Variants in MAST2 observed in about 807,000 individuals in gnomAD.
MAST2 encodes the protein microtubule associated serine/threonine kinase 2.
In MAST2, 70 loss-of-function variants were observed where a neutral mutation model predicts 147.4. The observed-to-expected ratio is 0.47, with a 90% confidence interval of 0.39 to 0.58. The LOEUF is 0.58. MAST2 is among the 20% of genes least tolerant of loss of function. The pLI is 0.00. For missense variants in MAST2, 2,080 were observed against 2,302.3 expected (o/e 0.90, Z 1.98); for synonymous variants, 869 against 896.8 (o/e 0.97, Z 0.55).
At chr1:45,951,121 G>T (rs1223311011) in intron 4 of MAST2, among the ~76,000 whole-genome samples, 1 of 152,046 alleles carries the variant, frequency 6.6e-6, no homozygotes, top group Non-Finnish European at 1.5e-5. Context: ...TACTTGGGAG[G>T]CTGAGGTGAG....
At chr1:45,986,327 T>C (rs906958861) in intron 5 of MAST2, among the ~76,000 whole-genome samples, 3 of 152,216 alleles carry the variant, frequency 2.0e-5, no homozygotes, top group African/African-American at 7.2e-5. Flanking sequence ...TAGTGACTTA[T>C]ATTGATTGAT....
At chr1:45,938,446 C>T (rs925789039) in intron 4 of MAST2, among the ~76,000 whole-genome samples, 3 of 152,082 alleles carry the variant, frequency 2.0e-5, no homozygotes, top group Non-Finnish European at 4.4e-5. Flanking sequence ...GCCTCAGCCT[C>T]CCAAGTGACT....
At position 46,031,695 on chromosome 1, in the gene MAST2, T is replaced by C. The variant is rs1174250379; in HGVS notation, c.3187+110T>C. 9.2e-7 allele frequency: 1 copy of C among 1,092,426 alleles called. No individual in the cohort carries two copies. The highest frequency in any genetic ancestry group is 1.3e-6 in the Non-Finnish European group (1 of 769,568). 67.7% of individuals were successfully genotyped at this position (1,092,426 alleles called of 1,614,324 possible). A position where few individuals can be genotyped will look rare whatever the true frequency, so the allele number is the denominator to read the frequency against. On this transcript the variant is annotated intron_variant, in intron 24 of 28. Coordinates refer to ENST00000361297, the MANE Select transcript of MAST2 (RefSeq NM_015112.3). This position sits in a 1 kb window ranked among gnomAD's most constrained non-coding sequence, Gnocchi z 4.1. ...TGTGTGTGTGTGTGTTAAGCACAGA[T>C]CTGACTGTGGTCTCTGAAGGTGTGT...
chr1:46,032,853 G>T, intron 26 of MAST2, 135 bp downstream of exon 26: 2 of 1,208,336 alleles, frequency 1.7e-6, no homozygotes, highest in South Asian at 3.1e-5. Flanking sequence ...ACACAGGCCG[G>T]GCGCGGTGGC....
chr1:45,821,941 T>G (rs1312694546), intron 1 of MAST2, among the ~76,000 whole-genome samples: 10 of 132,530 alleles, frequency 7.5e-5, no homozygotes, highest in Non-Finnish European at 1.4e-4. Context: ...CAGCCTGGAG[T>G]GCAGTGGTGT....
At chr1:45,888,742 C>T (rs1292461714) in intron 4 of MAST2, among the ~76,000 whole-genome samples, 1 of 132,328 alleles carries the variant, frequency 7.6e-6, no homozygotes. Flanking sequence ...AGTGCAATGG[C>T]ACAATCTCGC....
At chr1:45,911,720 G>A (rs1042380162) in intron 4 of MAST2, among the ~76,000 whole-genome samples, 14 of 150,860 alleles carry the variant, frequency 9.3e-5, no homozygotes, top group Non-Finnish European at 1.9e-4. Context: ...AATAATAATG[G>A]AATAATAGTA....
At chr1:45,897,858 A>T (rs550456248) in intron 4 of MAST2, among the ~76,000 whole-genome samples, 2 of 151,746 alleles carry the variant, frequency 1.3e-5, no homozygotes, top group Non-Finnish European at 2.9e-5. Flanking sequence ...TAATCCCAGC[A>T]CTTTGGGAGG....
chr1:45,979,113 G>T (rs992806638), intron 5 of MAST2, among the ~76,000 whole-genome samples: 3 of 152,148 alleles, frequency 2.0e-5, no homozygotes, highest in African/African-American at 7.2e-5. Flanking sequence ...TCATAATATT[G>T]ACTTTAGATG....
chr1:45,958,630 A>G (rs184112178), intron 4 of MAST2, among the ~76,000 whole-genome samples: 52 of 151,668 alleles, frequency 3.4e-4, no homozygotes, highest in African/African-American at 1.2e-3. Flanking sequence ...TTATGAGGAT[A>G]GAGACTGTTC....
intron 4 of MAST2, among the ~76,000 whole-genome samples, chr1:45,890,925 T>C (rs1381702786): frequency 6.6e-6 from 1 of 152,214 alleles, no homozygotes; most frequent in Non-Finnish European, 1.5e-5. Flanking sequence ...AGAAATATAG[T>C]TGCATAATAA....
chr1:46,013,471 G>A (rs1025230282), intron 10 of MAST2, among the ~76,000 whole-genome samples: 13 of 151,818 alleles, frequency 8.6e-5, no homozygotes, highest in Admixed American at 3.9e-4. Context: ...ACCTGAGGTC[G>A]GGAGTTCCAG....
In MAST2 at chr1:46,035,127, C is replaced by T. The variant is rs760934259; in HGVS notation, c.4458C>T (p.Ala1486=). 4.3e-6 allele frequency: 7 copies of T among 1,613,548 alleles called. No homozygotes were observed. The highest frequency in any genetic ancestry group is 3.3e-4 in the Middle Eastern group (2 of 6,084). ...RALGTLRQDR[A]ERRESLQKQE... ...TAGGCACCCTCCGGCAGGACCGAGC[C>T]GAACGACGGGAGTCGCTGCAGAAGC... Residue 1486 remains alanine, a synonymous_variant, in exon 29 of 29, where the codon GCC becomes GCT. Transcript: ENST00000361297. The surrounding 1 kb of genome is among the most constrained non-coding windows in gnomAD (Gnocchi z 5.5).
intron 5 of MAST2, among the ~76,000 whole-genome samples, chr1:45,971,403 C>G (rs112808937): frequency 6.6e-6 from 1 of 152,164 alleles, no homozygotes; most frequent in African/African-American, 2.4e-5. Context: ...GGGTGTTGAG[C>G]AAGCAAACAG....
chr1:46,025,786 C>T lies in MAST2; in HGVS notation c.1890C>T (p.Gly630=), dbSNP rs1237512931. 1 of 1,614,238 alleles carries T rather than the reference C, an allele frequency of 6.2e-7. No homozygotes were observed. The highest frequency in any genetic ancestry group is 2.2e-5 in the East Asian group (1 of 44,888). ...CCCTGGAGTACTTACACAACTATGG[C>T]ATCGTGCACCGTGACCTCAAGCCTG... ...VLALEYLHNY[G]IVHRDLKPDN... The change falls in exon 16 of 29, where the codon GGC becomes GGT. Residue 630 remains glycine, a synonymous_variant. Transcript: ENST00000361297.
intron 10 of MAST2, chr1:46,011,193 C>T (rs765377100): frequency 4.8e-5 from 23 of 482,656 alleles, no homozygotes; most frequent in Middle Eastern, 5.8e-4. Flanking sequence ...TTGTATTACG[C>T]GAAGCTCCAC....
rs147519115 is a variant in MAST2, at chr1:46,005,153, G to A, written c.748-1088G>A. Among the ~76,000 whole-genome samples the A allele has an allele frequency of 5.3e-3, 805 of 152,242 alleles. 4 individuals are homozygous for A. Among genetic ancestry groups the A allele is most frequent in the Middle Eastern group, 6.8e-3 (2 of 294 alleles). ...CAAGGCGGGCAGATCACCTGAGGTC[G>A]GGAGTTCCAGACCAGCCTGACCAAC... On this transcript the variant is annotated intron_variant, in intron 7 of 28. Transcript: ENST00000361297.
At chr1:45,927,786 C>G (rs112948045) in intron 4 of MAST2, among the ~76,000 whole-genome samples, 1 of 152,178 alleles carries the variant, frequency 6.6e-6, no homozygotes, top group Non-Finnish European at 1.5e-5. Flanking sequence ...TAGGAAAGCA[C>G]AGGGGTATTG....
chr1:45,959,712 T>C (rs959461356), intron 5 of MAST2, among the ~76,000 whole-genome samples: 1 of 152,222 alleles, frequency 6.6e-6, no homozygotes, highest in African/African-American at 2.4e-5. Context: ...TGTACATATC[T>C]TGGGGCCAGG....
Sources: gnomAD v4.1 joint callset for allele counts (sites outside exome capture counted in the v4.1 genomes callset) on GRCh38, gnomAD v4.1.1 for gene constraint, Gnocchi (gnomAD v3.1) non-coding constraint, MANE v1.5 for transcripts, NCBI Gene and HGNC (gene_info 2026-07-23, HGNC 2026-07-21) for gene names.